Variants in EIF2S1 observed in about 807,000 individuals in gnomAD.
EIF2S1 encodes eukaryotic translation initiation factor 2 subunit 1.
EIF2S1 carries 5 observed loss-of-function variants against 33.5 expected under a neutral mutation model. That is an observed-to-expected ratio of 0.15 (90% CI 0.08 to 0.31). EIF2S1 has a LOEUF of 0.31. Ranked by LOEUF, EIF2S1 falls within the 10% of genes least tolerant of loss-of-function variation. EIF2S1 has a pLI of 1.00. For missense variants in EIF2S1, 191 were observed against 384.6 expected (o/e 0.50, Z 4.21); for synonymous variants, 99 against 127.5 (o/e 0.78, Z 1.51).
At chr14:67,367,509 G>A (rs141821225) in intron 2 of EIF2S1, among the ~76,000 whole-genome samples, 3,119 of 152,338 alleles carry the variant, frequency 0.02, 3 homozygotes, top group Non-Finnish European at 0.028. Context: ...GATTACAGGC[G>A]TGAGCCACCA....
intron 1 of EIF2S1, among the ~76,000 whole-genome samples, chr14:67,363,332 C>T (rs563749463): frequency 1.3e-5 from 2 of 151,660 alleles, no homozygotes; most frequent in African/African-American, 4.8e-5. Flanking sequence ...ATTTTGTATT[C>T]CCTACAAAGA....
At chr14:67,369,295 A>C (rs2085803097) in intron 2 of EIF2S1, among the ~76,000 whole-genome samples, 1 of 152,250 alleles carries the variant, frequency 6.6e-6, no homozygotes, top group Non-Finnish European at 1.5e-5. Flanking sequence ...GTAATGATAA[A>C]GGGTCAATTT....
chr14:67,381,463 C>A (rs2085887536), intron 5 of EIF2S1, 130 bp from the exon 6 acceptor site: 1 of 589,064 alleles, frequency 1.7e-6, no homozygotes, highest in Non-Finnish European at 3.0e-6. Context: ...AAATAAGGAA[C>A]TGCAGTATAG....
chr14:67,362,430 A>G lies in EIF2S1; in HGVS notation c.-2+1974A>G, dbSNP rs3759756. Among the ~76,000 whole-genome samples, 814 of 152,304 alleles carry G rather than the reference A, an allele frequency of 5.3e-3. 20 individuals are homozygous for G. The East Asian group carries it at 0.059, about 11-fold the overall frequency. ...ATGGAAATACCTTCTTTTTCTTTCA[A>G]TATTTTATGTTTGACTAGCACATAA... On this transcript the variant is annotated intron_variant, in intron 1 of 7. Coordinates refer to ENST00000256383, the MANE Select transcript of EIF2S1 (RefSeq NM_004094.5).
In EIF2S1 at chr14:67,384,196, A is replaced by C. The variant is rs542292259; in HGVS notation, c.*756A>C. The C allele has an allele frequency of 6.6e-6, 1 of 152,264 alleles. No individual in the cohort carries two copies. The highest frequency in any genetic ancestry group is 2.4e-5 in the African/African-American group (1 of 41,560). The allele number at this position is 152,264 out of a possible 1,614,324, so 9.4% of individuals were successfully genotyped here. ...AATAAGCTACTTGCCTTGAGTTTAT[A>C]ATTCAGGGTGGTAAAGTATGTTTTT... On this transcript the variant is annotated 3_prime_UTR_variant, in exon 8 of 8. Transcript: ENST00000256383.
intron 1 of EIF2S1, among the ~76,000 whole-genome samples, chr14:67,361,540 G>A (rs567733242): frequency 1.3e-5 from 2 of 152,204 alleles, no homozygotes; most frequent in Non-Finnish European, 2.9e-5. Flanking sequence ...GAATTATCAC[G>A]AGAGTTGTCC....
intron 4 of EIF2S1, 56 bp from the exon 5 acceptor site, chr14:67,380,603 A>AGTGTTC: frequency 2.0e-6 from 2 of 976,498 alleles, no homozygotes; most frequent in Non-Finnish European, 3.0e-6. Context: ...GTTTGGTTTC[A>AGTGTTC]CATTTATCAG....
chr14:67,375,529 C>CA (rs34486911), intron 3 of EIF2S1, among the ~76,000 whole-genome samples: 41,648 of 131,158 alleles, frequency 0.32, 9,605 homozygotes, highest in African/African-American at 0.63. Flanking sequence ...GATAAAATAT[C>CA]AAAAAAAAAA....
intron 2 of EIF2S1, among the ~76,000 whole-genome samples, chr14:67,367,317 G>A (rs562507786): frequency 3.9e-5 from 6 of 152,256 alleles, no homozygotes; most frequent in African/African-American, 7.2e-5. Context: ...TGCAACCTCC[G>A]ACTCCCTGGT....
intron 2 of EIF2S1, 47 bp from the exon 3 acceptor site, chr14:67,374,421 C>T (rs1287193666): frequency 4.1e-6 from 5 of 1,224,506 alleles, no homozygotes; most frequent in Non-Finnish European, 5.8e-6. Flanking sequence ...TACAATAGTA[C>T]AGTGGCATCT....
intron 2 of EIF2S1, among the ~76,000 whole-genome samples, chr14:67,367,707 C>G (rs1355250472): frequency 2.0e-5 from 3 of 148,232 alleles, no homozygotes; most frequent in Non-Finnish European, 4.4e-5. Flanking sequence ...CGTGGTGGTG[C>G]ACCCTGTAGT....
In EIF2S1 at chr14:67,360,363, G is replaced by A. The variant is rs1286259221; in HGVS notation, c.-95G>A. 4 of 397,136 alleles carry A rather than the reference G, an allele frequency of 1.0e-5. No homozygotes were observed. The East Asian group carries it at 1.1e-4, about 11-fold the overall frequency. 24.6% of individuals were successfully genotyped at this position (397,136 alleles called of 1,614,324 possible). ...GAGTGAGCGAAGCGCACGCTGAGGAGGATCGGCGGCCGGTGAGGGGGAAGC... is the reference window on the plus strand; with the variant it reads ...GAGTGAGCGAAGCGCACGCTGAGGAAGATCGGCGGCCGGTGAGGGGGAAGC... On this transcript the variant is annotated 5_prime_UTR_variant, in exon 1 of 8. Coordinates refer to ENST00000256383, the MANE Select transcript of EIF2S1 (RefSeq NM_004094.5).
In EIF2S1 at chr14:67,386,089, C is replaced by A. The variant is rs1445520723; in HGVS notation, c.*2649C>A. 6.6e-6 allele frequency: 1 copy of A among 152,538 alleles called. No individual in the cohort carries two copies. The highest frequency in any genetic ancestry group is 1.9e-4 in the East Asian group (1 of 5,188). The allele number at this position is 152,538 out of a possible 1,614,324, so 9.4% of individuals were successfully genotyped here. A position where few individuals can be genotyped will look rare whatever the true frequency, so the allele number is the denominator to read the frequency against. On this transcript the variant is annotated 3_prime_UTR_variant, in exon 8 of 8. Coordinates refer to ENST00000256383, the MANE Select transcript of EIF2S1 (RefSeq NM_004094.5). ...CATACAAAGTGAGGTACACTGTTGC[C>A]AATTTGGAGGCAGGAAGCCATCAAA...
chr14:67,367,233 A>G (rs1031269802), intron 2 of EIF2S1, among the ~76,000 whole-genome samples: 3 of 152,112 alleles, frequency 2.0e-5, no homozygotes, highest in African/African-American at 4.8e-5. Flanking sequence ...CAAAAAATCT[A>G]TATTCTCTTT....
At chr14:67,363,336 A>G (rs765904078) in intron 1 of EIF2S1, among the ~76,000 whole-genome samples, 53 of 151,914 alleles carry the variant, frequency 3.5e-4, no homozygotes, top group Non-Finnish European at 5.6e-4. Flanking sequence ...TGTATTCCCT[A>G]CAAAGAAATA....
At position 67,383,308 on chromosome 14, in the gene EIF2S1, T is replaced by C. The variant is rs1292309435; in HGVS notation, c.823-7T>C. On this transcript the variant is annotated splice_region_variant and splice_polypyrimidine_tract_variant and intron_variant, in intron 7 of 7. Transcript: ENST00000256383. ...TTCAGTTTGAAATTATACCTCTGCT[T>C]CCACAGCCCAAAGTGGTCACAGATA... The C allele has an allele frequency of 1.2e-6, 2 of 1,612,652 alleles. No individual in the cohort carries two copies. Among genetic ancestry groups the C allele is most frequent in the Admixed American group, 3.3e-5 (2 of 59,934 alleles).
At chr14:67,383,121 A>G (rs2085898610) in intron 7 of EIF2S1, among the ~76,000 whole-genome samples, 194 bp from the exon 8 acceptor site, 1 of 152,178 alleles carries the variant, frequency 6.6e-6, no homozygotes, top group Non-Finnish European at 1.5e-5. Context: ...TCCTTTTTCT[A>G]TACTATTCTC....
At position 67,364,996 on chromosome 14, in the gene EIF2S1, G is replaced by T; in HGVS notation, c.229G>T (p.Asp77Tyr). 1 of 1,591,450 alleles carries T rather than the reference G, an allele frequency of 6.3e-7. No individual in the cohort carries two copies. Among genetic ancestry groups the T allele is most frequent in the South Asian group, 1.1e-5 (1 of 87,022 alleles). The change falls in exon 2 of 8, where the codon GAC (aspartate) becomes TAC (tyrosine). Residue 77 changes from aspartate to tyrosine, a missense_variant. Asp to Tyr is a radical substitution (Grantham distance 160, BLOSUM62 -3). Transcript: ENST00000256383. The stretch of plus-strand genomic sequence containing the variant: ...TGAGTGTGTGGTTGTCATTAGGGTG[G>T]ACAAAGAAAAAGGTAAGTGAGAAAA... The part of the protein sequence containing the change: ...RNECVVVIRV[D>Y]KEKGYIDLSK...
At chr14:67,382,367 A>G in intron 6 of EIF2S1, 80 bp from the exon 7 acceptor site, 1 of 1,332,636 alleles carries the variant, frequency 7.5e-7, no homozygotes, top group African/African-American at 1.5e-5. Context: ...AATACAGCAG[A>G]TTAATAAAAT....
Sources: gnomAD v4.1 joint callset for allele counts (sites outside exome capture counted in the v4.1 genomes callset) on GRCh38, gnomAD v4.1.1 for gene constraint, MANE v1.5 for transcripts, NCBI Gene and HGNC (gene_info 2026-07-23, HGNC 2026-07-21) for gene names.